The following MINK1 variants were observed in gnomAD, a reference collection of about 807,000 sequenced individuals.
The protein encoded by MINK1 is misshapen like kinase 1.
A neutral mutation model predicts 178.4 loss-of-function variants in MINK1; 46 were observed. The observed-to-expected ratio is 0.26, with a 90% CI of 0.20 to 0.33. The LOEUF is 0.33. MINK1 is among the 10% of genes least tolerant of loss of function. The probability of loss-of-function intolerance (pLI) is 1.00; values close to 1 mark genes in which losing one functional copy is unlikely to be tolerated. For synonymous variants in MINK1, 797 were observed against 709.7 expected (o/e 1.12, Z -1.96); for missense variants, 1,366 against 1,814.9 (o/e 0.75, Z 4.49).
chr17:4,874,631 G>A (rs1967007925), intron 1 of MINK1, among the ~76,000 whole-genome samples: 1 of 152,112 alleles, frequency 6.6e-6, no homozygotes, highest in African/African-American at 2.4e-5. Context: ...GGAGGAGGAG[G>A]AGGAGGATTA....
Position 4,896,486 on chromosome 17 carries a change from G to A in MINK1, c.3673G>A (p.Glu1225Lys). Residue 1225 changes from glutamate (E) to lysine (K), a missense_variant, in exon 30 of 32, where the codon GAG (glutamate) becomes AAG (lysine). Around this residue, in one of 14 missense-constraint regions of MINK1, gnomAD observed 201 missense variants for 240.7 expected, o/e 0.84. Coordinates refer to ENST00000355280, the MANE Select transcript of MINK1 (RefSeq NM_153827.5). This position sits in a 1 kb window ranked among gnomAD's most constrained non-coding sequence, Gnocchi z 4.6. ...IIFLPNTDGM[E>K]MLLCYEDEGV... ...CTTCCTCCCCAACACCGACGGCATG[G>A]AGATGCTGCTGTGCTACGAGGACGA... 6.2e-7 allele frequency: 1 copy of A among 1,613,984 alleles called. No individual in the cohort carries two copies. Among genetic ancestry groups the A allele is most frequent in the Non-Finnish European group, 8.5e-7 (1 of 1,179,870 alleles).
chr17:4,862,421 G>A (rs748781700), intron 1 of MINK1, among the ~76,000 whole-genome samples: 19 of 152,120 alleles, frequency 1.2e-4, no homozygotes, highest in Admixed American at 6.6e-5. Flanking sequence ...TTGGGAGGCC[G>A]AGACGGGTGG....
rs1461560603 is a variant in MINK1, at chr17:4,881,057, G to A, written c.180+17G>A. ...GTCACGGAGGTAGGGAGTGGAGCTGGGCAGTGGGAGGGTCGGACCAGCGAG... is the reference window on the plus strand; with the variant it reads ...GTCACGGAGGTAGGGAGTGGAGCTGAGCAGTGGGAGGGTCGGACCAGCGAG... On this transcript the variant is annotated intron_variant, in intron 3 of 31. Transcript: ENST00000355280. 1.5e-5 allele frequency: 23 copies of A among 1,534,154 alleles called. No individual in the cohort carries two copies. Among genetic ancestry groups the A allele is most frequent in the Non-Finnish European group, 1.9e-5 (22 of 1,145,124 alleles).
Position 4,897,337 on chromosome 17 carries a change from C to G in MINK1, c.*50C>G, listed in dbSNP as rs1969653454. ...CACACTGGACCCAGCTCTCCCCCTGCAGCCAGGCTTCCCGGGCCGCCCCTC... is the reference window on the plus strand; with the variant it reads ...CACACTGGACCCAGCTCTCCCCCTGGAGCCAGGCTTCCCGGGCCGCCCCTC... On this transcript the variant is annotated 3_prime_UTR_variant, in exon 32 of 32. Transcript: ENST00000355280. 2 of 1,564,982 alleles carry G rather than the reference C, an allele frequency of 1.3e-6. No individual in the cohort carries two copies. Among genetic ancestry groups the G allele is most frequent in the Non-Finnish European group, 1.8e-6 (2 of 1,138,524 alleles).
Position 4,892,462 on chromosome 17 carries a change from A to G in MINK1, c.2148A>G (p.Pro716=). 6.5e-7 allele frequency: 1 copy of G among 1,550,010 alleles called. No individual in the cohort carries two copies. Among genetic ancestry groups the G allele is most frequent in the Non-Finnish European group, 8.7e-7 (1 of 1,150,524 alleles). ...YLQRRAERGT[P]KPPGPPAQPP... ...AAAGGCGGGCAGAGCGGGGCACCCC[A>G]AAGCCTCCAGGGCCCCCTGCTCAGC... Residue 716 remains proline, a synonymous_variant, in exon 18 of 32, where the codon CCA becomes CCG. Transcript: ENST00000355280.
rs577236988 is a variant in MINK1 at position 4,897,454 on chromosome 17, C to G, written c.*167C>G. On this transcript the variant is annotated 3_prime_UTR_variant, in exon 32 of 32. Coordinates refer to ENST00000355280, the MANE Select transcript of MINK1 (RefSeq NM_153827.5). ...CTGACCCCTGATGCTTTCGTGATCA[C>G]GTGACCATCCTCTTCCCCAACATGT... is the stretch of plus-strand genomic sequence containing the variant. 2.5e-5 allele frequency: 15 copies of G among 601,460 alleles called. No individual in the cohort carries two copies. Among genetic ancestry groups the G allele is most frequent in the Middle Eastern group, 4.4e-4 (1 of 2,270 alleles). 37.3% of individuals were successfully genotyped at this position (601,460 alleles called of 1,614,324 possible). A position where few individuals can be genotyped will look rare whatever the true frequency, so the allele number is the denominator to read the frequency against.
chr17:4,849,479 C>A (rs530239438), intron 1 of MINK1, among the ~76,000 whole-genome samples: 18 of 152,312 alleles, frequency 1.2e-4, no homozygotes, highest in African/African-American at 4.1e-4. Flanking sequence ...TCTGCCTTGC[C>A]TGGAGATTTG....
chr17:4,854,388 A>AGGC (rs1322694608), intron 1 of MINK1, among the ~76,000 whole-genome samples: 1 of 152,214 alleles, frequency 6.6e-6, no homozygotes, highest in African/African-American at 2.4e-5. Flanking sequence ...ATCTGTGGGG[A>AGGC]ACCTAGACAT....
At chr17:4,845,638 AT>A (rs561317791) in intron 1 of MINK1, among the ~76,000 whole-genome samples, 453 of 141,062 alleles carry the variant, frequency 3.2e-3, no homozygotes, top group Non-Finnish European at 3.0e-3. Context: ...ATTGAGTTGG[AT>A]TTTTTTTTTT....
Position 4,897,502 on chromosome 17 carries a change from T to C in MINK1, c.*215T>C, listed in dbSNP as rs1969676855. The C allele has an allele frequency of 5.6e-6, 3 of 531,750 alleles. No homozygotes were observed. Among genetic ancestry groups the C allele is most frequent in the Non-Finnish European group, 1.0e-5 (3 of 298,350 alleles). 32.9% of individuals were successfully genotyped at this position (531,750 alleles called of 1,614,324 possible). A position where few individuals can be genotyped will look rare whatever the true frequency, so the allele number is the denominator to read the frequency against. On this transcript the variant is annotated 3_prime_UTR_variant, in exon 32 of 32. Transcript: ENST00000355280. ...TGTCCTCTTCCCAAAACTGTGCCTG[T>C]CCCCAGCTTCTGGGGAGGGACACAG...
intron 1 of MINK1, among the ~76,000 whole-genome samples, chr17:4,858,862 G>GAAGT (rs1391056825): frequency 6.6e-6 from 1 of 152,128 alleles, no homozygotes; most frequent in African/African-American, 2.4e-5. Context: ...TGCCTTTTTG[G>GAAGT]AAGTACAAGG....
At chr17:4,844,593 G>A (rs766864763) in intron 1 of MINK1, 6 of 511,186 alleles carry the variant, frequency 1.2e-5, no homozygotes, top group Admixed American at 8.0e-5. Flanking sequence ...TGAACAGGTG[G>A]TGGGTTGGCA....
chr17:4,865,984 A>G (rs563196927), intron 1 of MINK1, among the ~76,000 whole-genome samples: 1 of 152,348 alleles, frequency 6.6e-6, no homozygotes, highest in South Asian at 2.1e-4. Flanking sequence ...TAATTACACA[A>G]TTAATTGTAG....
chr17:4,843,619 G>C (rs975863599), intron 1 of MINK1, among the ~76,000 whole-genome samples: 3 of 152,154 alleles, frequency 2.0e-5, no homozygotes, highest in African/African-American at 4.8e-5. Flanking sequence ...ATTTCAGAAG[G>C]GGGTGTTTGG....
Position 4,886,883 on chromosome 17 carries a change from G to A in MINK1, c.950-227G>A, listed in dbSNP as rs186065083. ...CTCCATGCTAAGCACATGTGTGTGC[G>A]AGCACAAGCACAGGCTCTGCCACAC... On this transcript the variant is annotated intron_variant, in intron 10 of 31. Transcript: ENST00000355280. The surrounding 1 kb of genome is among the most constrained non-coding windows in gnomAD (Gnocchi z 6.1). Among the ~76,000 whole-genome samples the A allele has an allele frequency of 2.7e-3, 407 of 152,322 alleles. No homozygotes were observed. Among genetic ancestry groups the A allele is most frequent in the African/African-American group, 8.4e-3 (351 of 41,572 alleles).
At chr17:4,846,208 GGCAGAA>G (rs1300311505) in intron 1 of MINK1, among the ~76,000 whole-genome samples, 1 of 152,192 alleles carries the variant, frequency 6.6e-6, no homozygotes, top group Non-Finnish European at 1.5e-5. Flanking sequence ...TACATTACCA[GGCAGAA>G]GCCTGCAGTG....
chr17:4,834,841 T>G, intron 1 of MINK1: 1 of 520,040 alleles, frequency 1.9e-6, no homozygotes. Context: ...CCAGGGAACA[T>G]GGCCAGTAGT....
Position 4,885,475 on chromosome 17 carries a change from C to T in MINK1, c.509-8C>T. 8 of 1,613,552 alleles carry T rather than the reference C, an allele frequency of 5.0e-6. No individual in the cohort carries two copies. Among genetic ancestry groups the T allele is most frequent in the Non-Finnish European group, 6.8e-6 (8 of 1,179,646 alleles). On this transcript the variant is annotated splice_polypyrimidine_tract_variant and splice_region_variant and intron_variant, in intron 6 of 31. Transcript: ENST00000355280. This position sits in a 1 kb window ranked among gnomAD's most constrained non-coding sequence, Gnocchi z 5.0. ...CCCACACTGACCCCTCCCTCTGTGT[C>T]TTCACAGTGGATTTTGGGGTGAGTG...
At chr17:4,890,458 C>G in intron 13 of MINK1, 59 bp from the exon 14 acceptor site, 1 of 1,533,350 alleles carries the variant, frequency 6.5e-7, no homozygotes, top group Non-Finnish European at 8.8e-7. Flanking sequence ...GAGGGCATGC[C>G]TGCTCTAACT....
Sources: gnomAD v4.1 joint callset for allele counts (sites outside exome capture counted in the v4.1 genomes callset) on GRCh38, gnomAD v4.1.1 for gene constraint, gnomAD v4.1.1 regional missense constraint, Gnocchi (gnomAD v3.1) non-coding constraint, MANE v1.5 for transcripts, NCBI Gene and HGNC (gene_info 2026-07-23, HGNC 2026-07-21) for gene names.